SLC35F3: variants seen among roughly 807,000 people sequenced by gnomAD.
SLC35F3 encodes solute carrier family 35 member F3.
SLC35F3 carries 25 observed loss-of-function variants against 49.9 expected under a neutral mutation model. That is an observed-to-expected ratio of 0.50 (90% confidence interval 0.37 to 0.70). The LOEUF (loss-of-function observed/expected upper bound fraction) is 0.70. SLC35F3 is among the 30% of genes least tolerant of loss of function. The probability of loss-of-function intolerance (pLI) is 0.00; values close to 1 mark genes in which losing one functional copy is unlikely to be tolerated. For missense variants in SLC35F3, 525 were observed against 639.8 expected (o/e 0.82, Z 1.94); for synonymous variants, 275 against 265.4 (o/e 1.04, Z -0.35).
chr1:234,304,504 T>G (rs916748248), intron 3 of SLC35F3, among the ~76,000 whole-genome samples: 1 of 152,212 alleles, frequency 6.6e-6, no homozygotes, highest in African/African-American at 2.4e-5. Flanking sequence ...TTGTTCTTGT[T>G]TCATAGATAC....
intron 2 of SLC35F3, among the ~76,000 whole-genome samples, chr1:234,080,247 G>A (rs1664855377): frequency 6.6e-6 from 1 of 152,208 alleles, no homozygotes; most frequent in South Asian, 2.1e-4. Context: ...GCAAATCAAG[G>A]TGCTGAGAGG....
chr1:234,193,248 A>G (rs1346667499), intron 2 of SLC35F3, among the ~76,000 whole-genome samples: 1 of 152,236 alleles, frequency 6.6e-6, no homozygotes, highest in Non-Finnish European at 1.5e-5. Context: ...AAATAGGCAC[A>G]TAGACCAACG....
At chr1:233,941,864 A>G (rs538470054) in intron 2 of SLC35F3, among the ~76,000 whole-genome samples, 1 of 152,138 alleles carries the variant, frequency 6.6e-6, no homozygotes, top group South Asian at 2.1e-4. Context: ...GTCTGAATGT[A>G]TGCGTACACC....
At chr1:233,921,279 C>G (rs1360782204) in intron 2 of SLC35F3, among the ~76,000 whole-genome samples, 1 of 152,158 alleles carries the variant, frequency 6.6e-6, no homozygotes, top group Non-Finnish European at 1.5e-5. Flanking sequence ...GCAGAAAGTA[C>G]AGAGATTTCT....
At chr1:234,312,734 G>A (rs561687609) in intron 4 of SLC35F3, among the ~76,000 whole-genome samples, 1 of 152,300 alleles carries the variant, frequency 6.6e-6, no homozygotes, top group African/African-American at 2.4e-5. Context: ...TTAAAAATCA[G>A]TCCATTTTTC....
At chr1:233,994,298 A>T (rs1183450920) in intron 2 of SLC35F3, among the ~76,000 whole-genome samples, 1 of 152,202 alleles carries the variant, frequency 6.6e-6, no homozygotes, top group East Asian at 1.9e-4. Flanking sequence ...TGCTCTTATT[A>T]TGCCCATTTT....
intron 1 of SLC35F3, 43 bp from the exon 2 acceptor site, chr1:233,905,486 C>A: frequency 5.6e-6 from 8 of 1,430,660 alleles, no homozygotes; most frequent in Non-Finnish European, 7.7e-6. Flanking sequence ...TCTGTCCATG[C>A]TCCCCCTGCC....
At position 234,160,026 on chromosome 1, in the gene SLC35F3, C is replaced by G. The variant is rs190324292; in HGVS notation, c.284-71391C>G. On this transcript the variant is annotated intron_variant, in intron 2 of 7. Coordinates refer to ENST00000366618, the MANE Select transcript of SLC35F3 (RefSeq NM_173508.4). ...GAGGACATTTTTCATGCACTCAAAC[C>G]TGCCTCCTTCATTTACTAGGATCAT... 7.9e-5 allele frequency among the ~76,000 whole-genome samples: 12 copies of G among 152,268 alleles called. No individual in the cohort carries two copies. In the South Asian group the frequency reaches 1.0e-3, roughly 13 times the overall value.
chr1:234,227,470 C>T (rs1203392011), intron 2 of SLC35F3, among the ~76,000 whole-genome samples: 1 of 142,068 alleles, frequency 7.0e-6, no homozygotes, highest in African/African-American at 2.5e-5. Flanking sequence ...GCAATCTCGG[C>T]TTACTACAAG....
chr1:233,934,605 T>A lies in SLC35F3; in HGVS notation c.283+28847T>A, dbSNP rs150536643. Among the ~76,000 whole-genome samples the A allele has an allele frequency of 7.0e-4, 106 of 152,330 alleles. 1 individual carries two copies. The highest frequency in any genetic ancestry group is 2.5e-3 in the African/African-American group (105 of 41,584). On this transcript the variant is annotated intron_variant, in intron 2 of 7. Coordinates refer to ENST00000366618, the MANE Select transcript of SLC35F3 (RefSeq NM_173508.4). The stretch of plus-strand genomic sequence containing the variant: ...AGTAAAATATCCAAAATGAAATGAA[T>A]GTTAATTATAAGTGTACAGCTTGAT...
At chr1:234,076,913 T>C (rs865779498) in intron 2 of SLC35F3, among the ~76,000 whole-genome samples, 2 of 152,084 alleles carry the variant, frequency 1.3e-5, no homozygotes, top group Admixed American at 6.5e-5. Flanking sequence ...ATCTTACTAA[T>C]GGTGGGTGTA....
chr1:234,323,420 G>A lies in SLC35F3; in HGVS notation c.*177G>A, dbSNP rs1234353955. On this transcript the variant is annotated 3_prime_UTR_variant, in exon 8 of 8. Coordinates refer to ENST00000366618, the MANE Select transcript of SLC35F3 (RefSeq NM_173508.4). This position sits in a 1 kb window ranked among gnomAD's most constrained non-coding sequence, Gnocchi z 4.5. ...TTCCACATCAGACCTTCCACTTAAG[G>A]GTACCAATTCAATACAAAAGAGAAA... is the stretch of plus-strand genomic sequence containing the variant. 1.7e-6 allele frequency: 1 copy of A among 604,390 alleles called. No individual in the cohort carries two copies. The highest frequency in any genetic ancestry group is 2.9e-6 in the Non-Finnish European group (1 of 340,950). The allele number at this position is 604,390 out of a possible 1,614,324, so 37.4% of individuals were successfully genotyped here. A position where few individuals can be genotyped will look rare whatever the true frequency, so the allele number is the denominator to read the frequency against.
intron 3 of SLC35F3, among the ~76,000 whole-genome samples, chr1:234,280,870 A>C (rs906550167): frequency 2.6e-5 from 4 of 152,144 alleles, no homozygotes; most frequent in African/African-American, 9.7e-5. Flanking sequence ...AGGACTCCAG[A>C]TCCTACCTGG....
rs116971539 is a variant in SLC35F3 at position 234,255,784 on chromosome 1, T to C, written c.608+24043T>C. Among the ~76,000 whole-genome samples, 53 of 152,298 alleles carry C rather than the reference T, an allele frequency of 3.5e-4. No individual in the cohort carries two copies. The East Asian group carries it at 5.2e-3, about 15-fold the overall frequency. ...GAAGGGTTGGGGATGAAGGGATGAA[T>C]CAGTGGAGCTTGGGGGATTAAAACA... On this transcript the variant is annotated intron_variant, in intron 3 of 7. Transcript: ENST00000366618.
chr1:233,976,699 C>T (rs111831054), intron 2 of SLC35F3, among the ~76,000 whole-genome samples: 38,369 of 151,820 alleles, frequency 0.25, 8,107 homozygotes, highest in African/African-American at 0.58. Flanking sequence ...CAACCTCTGA[C>T]TCCTGGGTTC....
intron 3 of SLC35F3, among the ~76,000 whole-genome samples, chr1:234,287,093 G>A (rs1668433973): frequency 6.6e-6 from 1 of 152,286 alleles, no homozygotes; most frequent in Admixed American, 6.5e-5. Context: ...CAGCTACTTG[G>A]GAGGCTGCGG....
At chr1:234,178,598 G>T (rs545653464) in intron 2 of SLC35F3, among the ~76,000 whole-genome samples, 4 of 152,194 alleles carry the variant, frequency 2.6e-5, no homozygotes, top group African/African-American at 7.2e-5. Context: ...TGCTGCATTT[G>T]CTACCATTCA....
intron 2 of SLC35F3, among the ~76,000 whole-genome samples, chr1:233,950,269 C>G (rs1044010635): frequency 1.3e-5 from 2 of 150,916 alleles, no homozygotes; most frequent in Non-Finnish European, 2.9e-5. Flanking sequence ...GCCTGTAGTC[C>G]CAGCTACTCG....
intron 2 of SLC35F3, among the ~76,000 whole-genome samples, chr1:233,908,536 C>CTGTTT (rs1661812336): frequency 1.2e-5 from 1 of 84,880 alleles, no homozygotes. Context: ...GTAAAGGATT[C>CTGTTT]TTTTTTTTTT....
Sources: gnomAD v4.1 joint callset for allele counts (sites outside exome capture counted in the v4.1 genomes callset) on GRCh38, gnomAD v4.1.1 for gene constraint, Gnocchi (gnomAD v3.1) non-coding constraint, MANE v1.5 for transcripts, NCBI Gene and HGNC (gene_info 2026-07-23, HGNC 2026-07-21) for gene names.